Variants in DNAH6 observed in about 807,000 individuals in gnomAD.
The protein encoded by DNAH6 is axonemal beta dynein heavy chain 6.
Under a neutral mutation model 491.4 loss-of-function variants are expected in DNAH6, and 340 were observed. That is an observed-to-expected ratio of 0.69 (90% CI 0.63 to 0.76). DNAH6 has a LOEUF of 0.76. DNAH6 is among the 30% of genes least tolerant of loss of function. The pLI, the probability that DNAH6 is intolerant of heterozygous loss-of-function variation, is 0.00. For missense variants in DNAH6, 4,443 were observed against 4,972.2 expected (o/e 0.89, Z 3.20); for synonymous variants, 1,603 against 1,686.1 (o/e 0.95, Z 1.21).
intron 35 of DNAH6, among the ~76,000 whole-genome samples, chr2:84,657,854 T>A (rs1249899831): frequency 6.6e-6 from 1 of 152,044 alleles, no homozygotes; most frequent in Non-Finnish European, 1.5e-5. Context: ...AGGACAAAGT[T>A]GAATAAGAGT....
chr2:84,615,163 T>G (rs1004528450), intron 22 of DNAH6, among the ~76,000 whole-genome samples: 4 of 152,172 alleles, frequency 2.6e-5, no homozygotes, highest in Non-Finnish European at 5.9e-5. Context: ...AGAATTGTTA[T>G]GGTTTCAGGT....
intron 4 of DNAH6, 138 bp from the exon 5 acceptor site, chr2:84,544,095 G>A (rs1678531806): frequency 2.2e-6 from 1 of 458,158 alleles, no homozygotes; most frequent in Admixed American, 3.8e-5. Context: ...TGTGAAAGTA[G>A]TTGGTTAGAA....
the DNAH6 span, among the ~76,000 whole-genome samples, chr2:84,472,312 T>G: frequency 6.6e-6 from 1 of 151,810 alleles, no homozygotes; most frequent in Non-Finnish European, 1.5e-5. Flanking sequence ...ATTCCGTTGT[T>G]GAAAGAAGGT....
chr2:84,705,044 G>A (rs1161415170), intron 51 of DNAH6, among the ~76,000 whole-genome samples: 2 of 152,098 alleles, frequency 1.3e-5, no homozygotes, highest in South Asian at 4.1e-4. Context: ...TATCTAATCA[G>A]ATTTTCATGG....
intron 64 of DNAH6, chr2:84,777,543 C>T: frequency 1.3e-6 from 1 of 765,028 alleles, no homozygotes. Context: ...TAAGCACTCT[C>T]AACCACCTAC....
intron 10 of DNAH6, among the ~76,000 whole-genome samples, chr2:84,557,114 T>G (rs1369181004): frequency 1.3e-5 from 2 of 152,212 alleles, no homozygotes; most frequent in African/African-American, 2.4e-5. Flanking sequence ...ACCCTCCCTT[T>G]AAATTTTCCC....
At chr2:84,615,257 G>T (rs1209499130) in intron 22 of DNAH6, among the ~76,000 whole-genome samples, 1 of 152,066 alleles carries the variant, frequency 6.6e-6, no homozygotes, top group African/African-American at 2.4e-5. Context: ...CATGTGGCTT[G>T]CCAGTTATCC....
At chr2:84,495,880 A>G in the DNAH6 span, among the ~76,000 whole-genome samples, 14 of 152,220 alleles carry the variant, frequency 9.2e-5, no homozygotes, top group Non-Finnish European at 2.1e-4. Flanking sequence ...TCTTTTAAGA[A>G]TCTTATCAAC....
chr2:84,699,603 T>C lies in DNAH6; in HGVS notation c.7687T>C (p.Tyr2563His). The change falls in exon 48 of 77, where the codon TAC (tyrosine) becomes CAC (histidine). Residue 2563 changes from tyrosine to histidine, a missense_variant. This residue lies in a region of DNAH6 where 2,977 missense variants were observed against 3,296.6 expected (regional missense o/e 0.90). Transcript: ENST00000389394. ...ACTTTCTTTTTGTCAGGTGTTTCAA[T>C]ACTTTATCAGCAAAGTGCGTCAGAA... Reference protein sequence around the residue: ...SEGNRDEVFQYFISKVRQKLH... With the variant: ...SEGNRDEVFQHFISKVRQKLH... The C allele has an allele frequency of 6.5e-7, 1 of 1,549,112 alleles. No individual in the cohort carries two copies. Among genetic ancestry groups the C allele is most frequent in the Non-Finnish European group, 8.7e-7 (1 of 1,146,262 alleles).
chr2:84,606,161 C>A (rs1685742045), intron 20 of DNAH6, among the ~76,000 whole-genome samples: 1 of 152,162 alleles, frequency 6.6e-6, no homozygotes. Context: ...ATTTGTTTAG[C>A]AAAGGGAGCT....
At chr2:84,610,379 C>G (rs1445787516) in intron 21 of DNAH6, among the ~76,000 whole-genome samples, 15 of 152,150 alleles carry the variant, frequency 9.9e-5, no homozygotes, top group Admixed American at 9.8e-4. Flanking sequence ...GAGCAAGTCA[C>G]AGATGGCACC....
intron 18 of DNAH6, among the ~76,000 whole-genome samples, chr2:84,601,652 A>T (rs75177653): frequency 5.8e-3 from 2 of 344 alleles, no homozygotes; most frequent in African/African-American, 0.038. Flanking sequence ...CTATTTTTTT[A>T]ATCCAGTCTG....
intron 62 of DNAH6, 70 bp from the exon 63 acceptor site, chr2:84,745,010 A>G: frequency 9.3e-7 from 1 of 1,070,306 alleles, no homozygotes; most frequent in Non-Finnish European, 1.3e-6. Flanking sequence ...TTTTTAAATT[A>G]CCAAACATTA....
At chr2:84,557,965 T>C in intron 11 of DNAH6, 30 bp downstream of exon 11, 1 of 1,383,318 alleles carries the variant, frequency 7.2e-7, no homozygotes, top group Non-Finnish European at 9.9e-7. Context: ...AACTATTCTA[T>C]AATATTCTCA....
chr2:84,628,000 A>C (rs900992185), intron 29 of DNAH6, among the ~76,000 whole-genome samples: 6 of 152,092 alleles, frequency 3.9e-5, no homozygotes, highest in African/African-American at 1.4e-4. Flanking sequence ...AGGGCAGCCA[A>C]CTCCTTGGCA....
At chr2:84,655,806 A>G (rs929185704) in intron 35 of DNAH6, among the ~76,000 whole-genome samples, 1 of 152,150 alleles carries the variant, frequency 6.6e-6, no homozygotes, top group Non-Finnish European at 1.5e-5. Context: ...ATGGTGAACC[A>G]CTATTGATAC....
chr2:84,792,033 A>G (rs1390963028), intron 68 of DNAH6, among the ~76,000 whole-genome samples: 2 of 152,234 alleles, frequency 1.3e-5, no homozygotes, highest in Non-Finnish European at 2.9e-5. Flanking sequence ...CATACAATGG[A>G]ATACTATTTA....
At position 84,727,901 on chromosome 2, in the gene DNAH6, A is replaced by C; in HGVS notation, c.10205A>C (p.Lys3402Thr). Residue 3402 changes from lysine (K) to threonine (T), a missense_variant and splice_region_variant, in exon 61 of 77, where the codon AAG becomes ACG. This residue lies in a region of DNAH6 where 1,463 missense variants were observed against 1,656.6 expected (regional missense o/e 0.88). Transcript: ENST00000389394. ...FFLRGSAGLE[K>T]ERPPKPEAPW... ...CTCCGAGGTTCTGCAGGATTGGAAA[A>C]GGTACCTGATTCCCATTTAGGTGAT... The C allele has an allele frequency of 6.5e-7, 1 of 1,537,076 alleles. No individual in the cohort carries two copies. Among genetic ancestry groups the C allele is most frequent in the Non-Finnish European group, 8.8e-7 (1 of 1,133,450 alleles).
chr2:84,588,890 A>G lies in DNAH6; in HGVS notation c.2546A>G (p.Gln849Arg), dbSNP rs1294431054. 2 of 1,550,880 alleles carry G rather than the reference A, an allele frequency of 1.3e-6. No individual in the cohort carries two copies. Among genetic ancestry groups the G allele is most frequent in the East Asian group, 2.5e-5 (1 of 40,788 alleles). ...DKIRLILNNLQSVLADLQKRA... is the reference protein window; with the variant it reads ...DKIRLILNNLRSVLADLQKRA... ...ATAAGGCTCATATTGAATAATCTGC[A>G]ATCTGTTCTGGCTGATCTTCAGAAA... is the stretch of plus-strand genomic sequence containing the variant. The change falls in exon 16 of 77, where the codon CAA becomes CGA. Residue 849 changes from glutamine (Q) to arginine (R), a missense_variant. By Grantham distance (43) the Gln-to-Arg change is conservative. Transcript: ENST00000389394.
Sources: gnomAD v4.1 joint callset for allele counts (sites outside exome capture counted in the v4.1 genomes callset) on GRCh38, gnomAD v4.1.1 for gene constraint, gnomAD v4.1.1 regional missense constraint, MANE v1.5 for transcripts, NCBI Gene and HGNC (gene_info 2026-07-23, HGNC 2026-07-21) for gene names.